The following VAX2 variants were observed in gnomAD, a reference collection of about 807,000 sequenced individuals.
VAX2 encodes ventral anterior homeobox 2.
A neutral mutation model predicts 12.5 loss-of-function variants in VAX2; 8 were observed. The observed-to-expected ratio is 0.64, with a 90% CI of 0.37 to 1.15. VAX2 has a LOEUF of 1.15. Among genes scored for constraint, VAX2 ranks in the 50% most tolerant of loss-of-function variants. The pLI, the probability that VAX2 is intolerant of heterozygous loss-of-function variation, is 0.01. For synonymous variants in VAX2, 183 were observed against 187.6 expected (o/e 0.98, Z 0.20); for missense variants, 476 against 412.9 (o/e 1.15, Z -1.32).
Position 70,932,866 on chromosome 2 carries a change from A to G in VAX2, c.535A>G (p.Thr179Ala). The G allele has an allele frequency of 6.2e-7, 1 of 1,612,952 alleles. No individual in the cohort carries two copies. The highest frequency in any genetic ancestry group is 8.5e-7 in the Non-Finnish European group (1 of 1,179,830). ...CTCCTCAGCCTCCGAGGCCTTTGCC[A>G]CCTCCAACATTCTGCGGCTGCTGGA... ...ASSSASEAFA[T>A]SNILRLLEQG... The change falls in exon 3 of 3, where the codon ACC (threonine) becomes GCC (alanine). Residue 179 changes from threonine (T) to alanine (A), a missense_variant. Thr to Ala is a moderately conservative substitution (Grantham distance 58). Coordinates refer to ENST00000234392, the MANE Select transcript of VAX2 (RefSeq NM_012476.3).
At chr2:70,928,215 G>A (rs1477892574) in intron 2 of VAX2, among the ~76,000 whole-genome samples, 1 of 152,224 alleles carries the variant, frequency 6.6e-6, no homozygotes, top group Non-Finnish European at 1.5e-5. Context: ...TGGTGGGCCT[G>A]ATGGGCTTGA....
rs376692719 is a variant in VAX2 at position 70,904,527 on chromosome 2, C to T, written c.247+3659C>T. On this transcript the variant is annotated intron_variant, in intron 1 of 2. Coordinates refer to ENST00000234392, the MANE Select transcript of VAX2 (RefSeq NM_012476.3). This position sits in a 1 kb window ranked among gnomAD's most constrained non-coding sequence, Gnocchi z 4.2. ...CACCCAACACAGCAACTTTTACAGA[C>T]AATGCGTGGCGTCCGTTCCTGCTCA... is the stretch of plus-strand genomic sequence containing the variant. Among the ~76,000 whole-genome samples, 1 of 152,208 alleles carries T rather than the reference C, an allele frequency of 6.6e-6. No individual in the cohort carries two copies. Among genetic ancestry groups the T allele is most frequent in the African/African-American group, 2.4e-5 (1 of 41,448 alleles).
At chr2:70,914,053 C>T (rs1553411593) in intron 1 of VAX2, among the ~76,000 whole-genome samples, 1 of 152,162 alleles carries the variant, frequency 6.6e-6, no homozygotes, top group Non-Finnish European at 1.5e-5. Context: ...ACTGAGGATG[C>T]TTTCAAATTT....
At position 70,900,831 on chromosome 2, in the gene VAX2, C is replaced by G. The variant is rs1553409677; in HGVS notation, c.210C>G (p.Pro70=). Reference sequence around the variant, plus strand: ...CCGACAGCGACGGGCAGCCCGGGCCCGGCGAGGCAGACCACTGCCGCCGCA... The same window carrying G: ...CCGACAGCGACGGGCAGCCCGGGCCGGGCGAGGCAGACCACTGCCGCCGCA... ...SGADSDGQPG[P]GEADHCRRIL... The change falls in exon 1 of 3, where the codon CCC becomes CCG. Residue 70 remains proline, a synonymous_variant. Transcript: ENST00000234392. The G allele has an allele frequency of 2.0e-6, 3 of 1,469,360 alleles. No individual in the cohort carries two copies. The highest frequency in any genetic ancestry group is 2.7e-5 in the South Asian group (2 of 75,140). The allele number at this position is 1,469,360 out of a possible 1,614,324, so 91.0% of individuals were successfully genotyped here.
At chr2:70,922,255 G>A (rs1485660080) in intron 2 of VAX2, among the ~76,000 whole-genome samples, 3 of 152,162 alleles carry the variant, frequency 2.0e-5, no homozygotes, top group Non-Finnish European at 4.4e-5. Flanking sequence ...CATTGTAAAC[G>A]ACGGCCAAAA....
At chr2:70,907,395 G>A (rs1272560336) in intron 1 of VAX2, among the ~76,000 whole-genome samples, 1 of 152,264 alleles carries the variant, frequency 6.6e-6, no homozygotes, top group Non-Finnish European at 1.5e-5. Context: ...GAGGTTCCAC[G>A]GGCAAAGCCA....
At chr2:70,902,216 G>A (rs1678950914) in intron 1 of VAX2, among the ~76,000 whole-genome samples, 1 of 152,226 alleles carries the variant, frequency 6.6e-6, no homozygotes, top group Non-Finnish European at 1.5e-5. Context: ...ATGCAGCCCA[G>A]TGTGAGGGTG....
At chr2:70,910,785 A>G (rs1453236882) in intron 1 of VAX2, among the ~76,000 whole-genome samples, 2 of 129,568 alleles carry the variant, frequency 1.5e-5, no homozygotes, top group East Asian at 4.0e-4. Context: ...CACTTTCTTA[A>G]AAAAAAAAAC....
intron 1 of VAX2, among the ~76,000 whole-genome samples, chr2:70,916,308 C>G (rs555758526): frequency 6.6e-6 from 1 of 152,332 alleles, no homozygotes; most frequent in South Asian, 2.1e-4. Context: ...CCTATAGTAC[C>G]TTATCAAAAC....
intron 2 of VAX2, among the ~76,000 whole-genome samples, chr2:70,923,673 T>A (rs1230865176): frequency 6.6e-6 from 1 of 152,198 alleles, no homozygotes; most frequent in Non-Finnish European, 1.5e-5. Context: ...CTACACTTGC[T>A]GGTTTATTAT....
intron 1 of VAX2, among the ~76,000 whole-genome samples, chr2:70,910,064 G>A (rs722285): frequency 0.59 from 90,164 of 151,866 alleles, 27,451 homozygotes; most frequent in African/African-American, 0.73. Context: ...AATAATTGTC[G>A]ATTTTTATTG....
At position 70,907,449 on chromosome 2, in the gene VAX2, C is replaced by G. The variant is rs1471204383; in HGVS notation, c.247+6581C>G. On this transcript the variant is annotated intron_variant, in intron 1 of 2. Coordinates refer to ENST00000234392, the MANE Select transcript of VAX2 (RefSeq NM_012476.3). ...ATAACTGGATAAATCTGTGCCCCTG[C>G]CCCTGCCGGCTCACACGGCTGCAGC... Among the ~76,000 whole-genome samples, 2 of 152,250 alleles carry G rather than the reference C, an allele frequency of 1.3e-5. 1 individual carries two copies. Among genetic ancestry groups the G allele is most frequent in the Non-Finnish European group, 2.9e-5 (2 of 68,048 alleles).
chr2:70,924,338 A>T (rs1366866272), intron 2 of VAX2: 2 of 134,846 alleles, frequency 1.5e-5, no homozygotes, highest in African/African-American at 2.6e-5. Flanking sequence ...AGCATACAAC[A>T]GTAAGTCTTA....
rs781782798 is a variant in VAX2 at position 70,921,174 on chromosome 2, C to T, written c.324C>T (p.Ser108=). Residue 108 remains serine, a synonymous_variant, in exon 2 of 3, where the codon TCC becomes TCT. Transcript: ENST00000234392. ...DLDRPKRTRT[S]FTAEQLYRLE... ...ACCGGCCCAAGCGGACACGTACATC[C>T]TTCACTGCCGAGCAGCTGTACCGCC... is the stretch of plus-strand genomic sequence containing the variant. The T allele has an allele frequency of 1.2e-5, 19 of 1,613,672 alleles. No homozygotes were observed. The highest frequency in any genetic ancestry group is 1.2e-4 in the Admixed American group (7 of 59,968).
At chr2:70,920,866 T>TTGTAC (rs1679441657) in intron 1 of VAX2, among the ~76,000 whole-genome samples, 1 of 152,044 alleles carries the variant, frequency 6.6e-6, no homozygotes, top group South Asian at 2.1e-4. Context: ...GACCTGGCAG[T>TTGTAC]TGTACTGAGG....
At chr2:70,909,981 G>GT (rs1295936745) in intron 1 of VAX2, among the ~76,000 whole-genome samples, 64 of 151,848 alleles carry the variant, frequency 4.2e-4, no homozygotes, top group African/African-American at 1.4e-3. Context: ...TGAACAAATG[G>GT]TTTTTTTTAA....
chr2:70,900,810 C>G lies in VAX2; in HGVS notation c.189C>G (p.Asp63Glu). 1 of 1,488,996 alleles carries G rather than the reference C, an allele frequency of 6.7e-7. No individual in the cohort carries two copies. Among genetic ancestry groups the G allele is most frequent in the Non-Finnish European group, 8.9e-7 (1 of 1,119,670 alleles). 92.2% of individuals were successfully genotyped at this position (1,488,996 alleles called of 1,614,324 possible). The change falls in exon 1 of 3, where the codon GAC becomes GAG. Residue 63 changes from aspartate to glutamate, a missense_variant. Asp to Glu is a conservative substitution (Grantham distance 45, BLOSUM62 2). Coordinates refer to ENST00000234392, the MANE Select transcript of VAX2 (RefSeq NM_012476.3). ...SPAGSRESGA[D>E]SDGQPGPGEA... Reference sequence around the variant, plus strand: ...CAGGCTCCAGGGAGAGTGGAGCCGACAGCGACGGGCAGCCCGGGCCCGGCG... The same window carrying G: ...CAGGCTCCAGGGAGAGTGGAGCCGAGAGCGACGGGCAGCCCGGGCCCGGCG...
rs1553414621 is a variant in VAX2, at chr2:70,933,082, T to C, written c.751T>C (p.Ser251Pro). Residue 251 changes from serine to proline, a missense_variant, in exon 3 of 3, where the codon TCC becomes CCC. Physicochemically the swap from Ser to Pro is moderately conservative, Grantham distance 74. Transcript: ENST00000234392. The part of the protein sequence containing the change: ...LPPPLPAVCF[S>P]SAPLLDLPAG... Reference sequence around the variant, plus strand: ...GCCCCCTCTGCCAGCTGTCTGCTTTTCCTCGGCCCCGCTCCTGGATCTGCC... The same window carrying C: ...GCCCCCTCTGCCAGCTGTCTGCTTTCCCTCGGCCCCGCTCCTGGATCTGCC... 16 of 1,609,918 alleles carry C rather than the reference T, an allele frequency of 9.9e-6. No individual in the cohort carries two copies. The highest frequency in any genetic ancestry group is 1.4e-5 in the Non-Finnish European group (16 of 1,178,338).
At chr2:70,908,778 C>G (rs1229023961) in intron 1 of VAX2, among the ~76,000 whole-genome samples, 2 of 152,186 alleles carry the variant, frequency 1.3e-5, no homozygotes, top group East Asian at 3.8e-4. Context: ...ACACTGCCAC[C>G]AGCGATGTCT....
Sources: allele counts gnomAD v4.1 joint callset (sites outside exome capture counted in the v4.1 genomes callset), GRCh38; gene constraint gnomAD v4.1.1; non-coding constraint Gnocchi (gnomAD v3.1); transcripts MANE v1.5; gene names NCBI Gene and HGNC (gene_info 2026-07-23, HGNC 2026-07-21).